Variants in DOCK8 observed in about 807,000 individuals in gnomAD.
DOCK8 encodes dedicator of cytokinesis 8.
DOCK8 carries 141 observed loss-of-function variants against 245.6 expected under a neutral mutation model. The ratio of observed to expected loss-of-function variants is 0.57; its 90% CI spans 0.50 to 0.66. The LOEUF (loss-of-function observed/expected upper bound fraction) is 0.66, where lower values mean the gene tolerates loss of function less well. Ranked by LOEUF, DOCK8 falls within the 30% of genes least tolerant of loss-of-function variation. DOCK8 has a pLI of 0.00. For missense variants in DOCK8, 2,965 were observed against 2,603.4 expected (o/e 1.14, Z -3.02); for synonymous variants, 1,168 against 970.2 (o/e 1.20, Z -3.79).
intron 20 of DOCK8, 113 bp downstream of exon 20, chr9:377,324 G>C: frequency 9.3e-7 from 1 of 1,078,410 alleles, no homozygotes; most frequent in Non-Finnish European, 1.3e-6. Flanking sequence ...CCTTTCCACT[G>C]ATGATGTGTG....
chr9:359,263 A>C (rs1218604888), intron 14 of DOCK8, among the ~76,000 whole-genome samples: 1 of 152,224 alleles, frequency 6.6e-6, no homozygotes, highest in African/African-American at 2.4e-5. Flanking sequence ...TGGTGAGTCT[A>C]ATTGTTGACC....
At chr9:376,397 C>G in intron 19 of DOCK8, 92 bp downstream of exon 19, 1 of 935,400 alleles carries the variant, frequency 1.1e-6, no homozygotes, top group South Asian at 1.3e-5. Flanking sequence ...AAATCCTTGT[C>G]TACAGATAAA....
chr9:371,523 A>G lies in DOCK8; in HGVS notation c.1964A>G (p.Gln655Arg), dbSNP rs750213861. The change falls in exon 17 of 48, where the codon CAG (glutamine) becomes CGG (arginine). Residue 655 changes from glutamine (Q) to arginine (R), a missense_variant. By Grantham distance (43) the Gln-to-Arg change is conservative (BLOSUM62 1). This residue lies in a region of DOCK8 where 2,825 missense variants were observed against 2,453.5 expected (regional missense o/e 1.15). Transcript: ENST00000432829. Reference protein sequence around the residue: ...LLFTFYHISCQQKQGASVETL... With the variant: ...LLFTFYHISCRQKQGASVETL... ...TTCACCTTCTACCATATCAGCTGTC[A>G]GCAGAAGCAAGGAGCCTCCGTGGAA... is the stretch of plus-strand genomic sequence containing the variant. The G allele has an allele frequency of 1.2e-6, 2 of 1,614,248 alleles. No individual in the cohort carries two copies. The highest frequency in any genetic ancestry group is 1.1e-5 in the South Asian group (1 of 91,088).
At chr9:333,558 G>C (rs1046918083) in intron 10 of DOCK8, among the ~76,000 whole-genome samples, 1 of 150,958 alleles carries the variant, frequency 6.6e-6, no homozygotes, top group Non-Finnish European at 1.5e-5. Flanking sequence ...CCGAGATCGT[G>C]CCACTGCACT....
chr9:310,054 G>C (rs1294372079), intron 5 of DOCK8, among the ~76,000 whole-genome samples: 2 of 152,040 alleles, frequency 1.3e-5, no homozygotes, highest in Admixed American at 1.3e-4. Flanking sequence ...GATCACTTGA[G>C]GTCAGGAGTT....
At chr9:343,495 A>G (rs2051713010) in intron 14 of DOCK8, among the ~76,000 whole-genome samples, 1 of 152,068 alleles carries the variant, frequency 6.6e-6, no homozygotes, top group African/African-American at 2.4e-5. Flanking sequence ...TAAAAAAAAA[A>G]AAATAATTTA....
At chr9:337,846 A>C (rs983577971) in intron 12 of DOCK8, among the ~76,000 whole-genome samples, 2 of 152,110 alleles carry the variant, frequency 1.3e-5, no homozygotes, top group Non-Finnish European at 2.9e-5. Context: ...AACACTACTG[A>C]ATTGTGCACT....
chr9:256,417 G>A (rs1393369623), intron 1 of DOCK8, among the ~76,000 whole-genome samples: 1 of 152,212 alleles, frequency 6.6e-6, no homozygotes, highest in Non-Finnish European at 1.5e-5. Context: ...ATTCGTTTCT[G>A]CTTCAGCTTC....
intron 14 of DOCK8, among the ~76,000 whole-genome samples, chr9:356,623 C>T (rs1244706599): frequency 6.6e-6 from 1 of 151,960 alleles, no homozygotes; most frequent in Non-Finnish European, 1.5e-5. Context: ...TCCAGATCTT[C>T]CCCAAAGCAG....
chr9:351,397 G>A (rs2052160491), intron 14 of DOCK8, among the ~76,000 whole-genome samples: 2 of 152,316 alleles, frequency 1.3e-5, no homozygotes, highest in South Asian at 4.2e-4. Context: ...GGCCCCAGTA[G>A]GGAGTGCCTT....
intron 3 of DOCK8, 143 bp downstream of exon 3, chr9:286,779 T>A (rs1405899488): frequency 7.2e-6 from 6 of 828,188 alleles, no homozygotes; most frequent in Non-Finnish European, 1.2e-5. Flanking sequence ...AGCTATATGA[T>A]ATCATCATGT....
At chr9:378,585 C>G (rs563301267) in intron 20 of DOCK8, among the ~76,000 whole-genome samples, 1 of 152,316 alleles carries the variant, frequency 6.6e-6, no homozygotes, top group Non-Finnish European at 1.5e-5. Context: ...AGAGCTCTGC[C>G]CTCCTTCGAT....
In DOCK8 at chr9:215,074, G is replaced by T. The variant is rs758218649; in HGVS notation, c.53+45G>T. 1.7e-4 allele frequency: 264 copies of T among 1,541,018 alleles called. 1 individual carries two copies. The highest frequency in any genetic ancestry group is 4.7e-5 in the South Asian group (4 of 84,354). On this transcript the variant is annotated intron_variant, in intron 1 of 47. Transcript: ENST00000432829. ...GCGCAGGTTGCGGCCGGACAGCCCA[G>T]CGCTGGTGTGAAGCGGAGCTTCGCT...
chr9:302,530 C>T (rs956009951), intron 4 of DOCK8, among the ~76,000 whole-genome samples: 3 of 152,260 alleles, frequency 2.0e-5, no homozygotes, highest in South Asian at 4.1e-4. Context: ...AGCTTCTGCA[C>T]AGCAGAAGAA....
chr9:279,153 TCCA>T (rs1345020198), intron 2 of DOCK8, among the ~76,000 whole-genome samples: 1 of 152,188 alleles, frequency 6.6e-6, no homozygotes, highest in Non-Finnish European at 1.5e-5. Context: ...TTTAATGTTT[TCCA>T]CCTGGGCAAT....
rs1001004138 is a variant in DOCK8 at position 317,045 on chromosome 9, G to A, written c.744G>A (p.Glu248=). 8 of 1,611,970 alleles carry A rather than the reference G, an allele frequency of 5.0e-6. No homozygotes were observed. The highest frequency in any genetic ancestry group is 6.8e-6 in the Non-Finnish European group (8 of 1,178,040). Residue 248 remains glutamate (E), a splice_region_variant and synonymous_variant, in exon 7 of 48, where the codon GAG becomes GAA. Coordinates refer to ENST00000432829, the MANE Select transcript of DOCK8 (RefSeq NM_203447.4). ...LFALYPSVDE[E]DAVEIRPVPE... ...CCTTACGATGTGATTAAAAATAGGA[G>A]GATGCTGTGGAAATACGTCCAGTAC...
intron 1 of DOCK8, among the ~76,000 whole-genome samples, chr9:261,382 T>C (rs2047914370): frequency 6.6e-6 from 1 of 152,254 alleles, no homozygotes; most frequent in Non-Finnish European, 1.5e-5. Context: ...TGCTTAAAAT[T>C]ATGTTATTTG....
chr9:412,404 C>CAA (rs59340573), intron 28 of DOCK8, among the ~76,000 whole-genome samples: 2,353 of 100,678 alleles, frequency 0.023, 52 homozygotes, highest in African/African-American at 0.069. Flanking sequence ...GACCCTGTCT[C>CAA]AAAAAAAAAA....
At chr9:273,602 G>A (rs1189375161) in intron 2 of DOCK8, among the ~76,000 whole-genome samples, 3 of 152,066 alleles carry the variant, frequency 2.0e-5, no homozygotes, top group African/African-American at 4.8e-5. Flanking sequence ...GTTGTCTTGG[G>A]AAGTAGTGTG....
Sources: allele counts gnomAD v4.1 joint callset (sites outside exome capture counted in the v4.1 genomes callset), GRCh38; gene constraint gnomAD v4.1.1; regional missense constraint gnomAD v4.1.1; transcripts MANE v1.5; gene names NCBI Gene and HGNC (gene_info 2026-07-23, HGNC 2026-07-21).